Variants in RPRD2 observed in about 807,000 individuals in gnomAD.
The protein encoded by RPRD2 is regulation of nuclear pre-mRNA domain containing 2, also known as regulation of nuclear pre-mRNA domain-containing protein 2.
RPRD2 carries 12 observed loss-of-function variants against 104.4 expected under a neutral mutation model. The ratio of observed to expected loss-of-function variants is 0.11; its 90% CI spans 0.07 to 0.19. The LOEUF (loss-of-function observed/expected upper bound fraction) is 0.19. RPRD2 is among the 10% of genes least tolerant of loss of function. The probability of loss-of-function intolerance (pLI) is 1.00; values close to 1 mark genes in which losing one functional copy is unlikely to be tolerated. For synonymous variants in RPRD2, 714 were observed against 684.9 expected (o/e 1.04, Z -0.66); for missense variants, 1,543 against 1,790.1 (o/e 0.86, Z 2.49).
At chr1:150,422,095 G>A (rs979788475) in intron 2 of RPRD2, among the ~76,000 whole-genome samples, 12 of 151,698 alleles carry the variant, frequency 7.9e-5, no homozygotes, top group African/African-American at 2.9e-4. Flanking sequence ...GGCCAAGGAG[G>A]GTGGATCACA....
At chr1:150,447,651 T>G (rs936148020) in intron 7 of RPRD2, among the ~76,000 whole-genome samples, 3 of 152,004 alleles carry the variant, frequency 2.0e-5, no homozygotes, top group Non-Finnish European at 2.9e-5. Flanking sequence ...TTCTTTTTAT[T>G]CCCCCAAGAA....
intron 2 of RPRD2, among the ~76,000 whole-genome samples, chr1:150,427,994 C>A (rs1345650089): frequency 6.6e-6 from 1 of 151,688 alleles, no homozygotes; most frequent in Non-Finnish European, 1.5e-5. Context: ...TCTTAAGACA[C>A]AAAAAACTAA....
Position 150,470,875 on chromosome 1 carries a change from C to T in RPRD2, c.1927C>T (p.Pro643Ser), listed in dbSNP as rs777440320. 1 of 1,614,014 alleles carries T rather than the reference C, an allele frequency of 6.2e-7. No individual in the cohort carries two copies. ...ATHNTSPAAPPTEVTICQSSE... is the reference protein window; with the variant it reads ...ATHNTSPAAPSTEVTICQSSE... ...CCACAATACTAGCCCTGCTGCCCCACCTACTGAAGTTACCATCTGCCAATC... is the reference window on the plus strand; with the variant it reads ...CCACAATACTAGCCCTGCTGCCCCATCTACTGAAGTTACCATCTGCCAATC... Residue 643 changes from proline (P) to serine (S), a missense_variant, in exon 11 of 11, where the codon CCT (proline) becomes TCT (serine). Coordinates refer to ENST00000369068, the MANE Select transcript of RPRD2 (RefSeq NM_015203.5).
At chr1:150,452,535 T>A (rs587732887) in intron 7 of RPRD2, among the ~76,000 whole-genome samples, 1 of 152,336 alleles carries the variant, frequency 6.6e-6, no homozygotes, top group Non-Finnish European at 1.5e-5. Context: ...CATTTATTTA[T>A]ATGAATGGAC....
At chr1:150,446,710 C>T (rs1172391518) in intron 7 of RPRD2, among the ~76,000 whole-genome samples, 1 of 152,070 alleles carries the variant, frequency 6.6e-6, no homozygotes, top group Non-Finnish European at 1.5e-5. Flanking sequence ...GATCACGCCA[C>T]TGCACCCCAG....
At chr1:150,399,468 G>A (rs1321008801) in intron 1 of RPRD2, among the ~76,000 whole-genome samples, 2 of 152,022 alleles carry the variant, frequency 1.3e-5, no homozygotes, top group African/African-American at 2.4e-5. Context: ...GTAAAAAATC[G>A]ATTGCCGGCT....
At chr1:150,379,091 G>A (rs1201805762) in intron 1 of RPRD2, among the ~76,000 whole-genome samples, 3 of 149,802 alleles carry the variant, frequency 2.0e-5, no homozygotes, top group African/African-American at 7.3e-5. Context: ...GACCAGCCTG[G>A]CCAACATGGC....
intron 8 of RPRD2, 98 bp downstream of exon 8, chr1:150,457,668 T>A: frequency 9.5e-7 from 1 of 1,049,022 alleles, no homozygotes; most frequent in Non-Finnish European, 1.4e-6. Flanking sequence ...ATAGTTCATT[T>A]CTTAAAAGAT....
intron 2 of RPRD2, among the ~76,000 whole-genome samples, chr1:150,440,194 C>A (rs1666319199): frequency 6.6e-6 from 1 of 152,152 alleles, no homozygotes; most frequent in Non-Finnish European, 1.5e-5. Flanking sequence ...GATTTTCCCA[C>A]CTCGGCCTCC....
intron 2 of RPRD2, among the ~76,000 whole-genome samples, chr1:150,421,360 A>G (rs1664743748): frequency 6.6e-6 from 1 of 152,232 alleles, no homozygotes; most frequent in Non-Finnish European, 1.5e-5. Context: ...AAAGGATATT[A>G]AAGAAGATCT....
chr1:150,412,706 G>A (rs921373108), intron 1 of RPRD2, among the ~76,000 whole-genome samples: 1 of 152,124 alleles, frequency 6.6e-6, no homozygotes, highest in Non-Finnish European at 1.5e-5. Context: ...ATCATTGACA[G>A]ATTTGATATG....
chr1:150,387,567 C>CTTTTT lies in RPRD2; in HGVS notation c.205+22685_205+22689dup, dbSNP rs562476167. 3.5e-3 allele frequency among the ~76,000 whole-genome samples: 261 copies of CTTTTT among 73,706 alleles called. 41 individuals carry two copies. The highest frequency in any genetic ancestry group is 4.0e-3 in the Non-Finnish European group (161 of 40,480). The allele number at this position is 73,706 out of a possible 152,430, so 48.4% of individuals were successfully genotyped here. A position where few individuals can be genotyped will look rare whatever the true frequency, so the allele number is the denominator to read the frequency against. ...AAATCTTACAGAAGTTGCAACAGACCTTTTTTTTTTTTTTTTTTTTTTTTT... is the reference window on the plus strand; with the variant it reads ...AAATCTTACAGAAGTTGCAACAGACCTTTTTTTTTTTTTTTTTTTTTTTTTTTTTT... On this transcript the variant is annotated intron_variant, in intron 1 of 10. Transcript: ENST00000369068.
chr1:150,382,403 G>C (rs587722679), intron 1 of RPRD2, among the ~76,000 whole-genome samples: 1 of 152,210 alleles, frequency 6.6e-6, no homozygotes, highest in African/African-American at 2.4e-5. Context: ...TGTTTGTTTT[G>C]AGACAGAGTT....
At chr1:150,440,811 A>G in intron 2 of RPRD2, 112 bp from the exon 3 acceptor site, 1 of 644,022 alleles carries the variant, frequency 1.6e-6, no homozygotes, top group Non-Finnish European at 2.7e-6. Context: ...TTTGAAATAA[A>G]CATCAGAAGA....
chr1:150,464,381 T>TTTTA, intron 9 of RPRD2, 146 bp from the exon 10 acceptor site: 1 of 509,082 alleles, frequency 2.0e-6, no homozygotes. Context: ...TTTTTTTTTG[T>TTTTA]ACATGTCATG....
chr1:150,379,498 G>C (rs1417244257), intron 1 of RPRD2, among the ~76,000 whole-genome samples: 1 of 151,896 alleles, frequency 6.6e-6, no homozygotes, highest in African/African-American at 2.4e-5. Flanking sequence ...CGCCTCCCAG[G>C]TTCAAGCGAT....
intron 1 of RPRD2, among the ~76,000 whole-genome samples, chr1:150,379,438 T>G (rs1444409630): frequency 6.6e-6 from 1 of 152,138 alleles, no homozygotes; most frequent in Non-Finnish European, 1.5e-5. Flanking sequence ...GTTTTGCTTT[T>G]GTTACCTAGG....
chr1:150,459,163 A>C (rs1553898260), intron 8 of RPRD2, among the ~76,000 whole-genome samples: 1 of 152,194 alleles, frequency 6.6e-6, no homozygotes, highest in Non-Finnish European at 1.5e-5. Context: ...TGTTTCTCTT[A>C]TATCCCCAGC....
intron 1 of RPRD2, among the ~76,000 whole-genome samples, chr1:150,402,659 A>G (rs1031130489): frequency 1.3e-5 from 2 of 151,834 alleles, no homozygotes; most frequent in African/African-American, 2.4e-5. Flanking sequence ...CTAGGCAACA[A>G]TGTGGCAAAT....
Sources: allele counts gnomAD v4.1 joint callset (sites outside exome capture counted in the v4.1 genomes callset), GRCh38; gene constraint gnomAD v4.1.1; transcripts MANE v1.5; gene names NCBI Gene and HGNC (gene_info 2026-07-23, HGNC 2026-07-21).